The following LHFPL3 variants were observed in gnomAD, a reference collection of about 807,000 sequenced individuals.
LHFPL3 encodes the protein LHFPL tetraspan subfamily member 3 protein.
A neutral mutation model predicts 19.3 loss-of-function variants in LHFPL3; 5 were observed. The ratio of observed to expected loss-of-function variants is 0.26; its 90% CI spans 0.14 to 0.54. The LOEUF (loss-of-function observed/expected upper bound fraction) is 0.54, where lower values mean the gene tolerates loss of function less well. LHFPL3 is among the 20% of genes least tolerant of loss of function. The pLI is 0.94. For synonymous variants in LHFPL3, 133 were observed against 126.2 expected (o/e 1.05, Z -0.36); for missense variants, 249 against 307.4 (o/e 0.81, Z 1.42).
chr7:104,563,950 T>C (rs193279987), intron 1 of LHFPL3, among the ~76,000 whole-genome samples: 1 of 152,348 alleles, frequency 6.6e-6, no homozygotes, highest in African/African-American at 2.4e-5. Flanking sequence ...CATAAACTGA[T>C]CTTTCTGCCA....
chr7:104,600,861 T>G (rs930737849), intron 1 of LHFPL3, among the ~76,000 whole-genome samples: 1 of 152,206 alleles, frequency 6.6e-6, no homozygotes, highest in Non-Finnish European at 1.5e-5. Flanking sequence ...CATATTCGCA[T>G]CAGCTAAGGG....
chr7:104,490,801 CTCTA>C (rs1465971353), intron 1 of LHFPL3, among the ~76,000 whole-genome samples: 2 of 152,178 alleles, frequency 1.3e-5, no homozygotes, highest in Non-Finnish European at 2.9e-5. Context: ...ACTGAGGCTT[CTCTA>C]TCTAATAGCA....
intron 1 of LHFPL3, among the ~76,000 whole-genome samples, chr7:104,458,683 T>C (rs2116615548): frequency 6.6e-6 from 1 of 152,074 alleles, no homozygotes; most frequent in East Asian, 1.9e-4. Context: ...GGGGATGACA[T>C]TGAATCTAAA....
intron 1 of LHFPL3, among the ~76,000 whole-genome samples, chr7:104,708,892 A>AT (rs1396881070): frequency 1.3e-5 from 2 of 152,104 alleles, no homozygotes; most frequent in African/African-American, 2.4e-5. Flanking sequence ...TGAGAGAAAA[A>AT]ATTAGATTTG....
At chr7:104,420,442 A>G (rs1041394244) in intron 1 of LHFPL3, among the ~76,000 whole-genome samples, 3 of 152,234 alleles carry the variant, frequency 2.0e-5, no homozygotes, top group Non-Finnish European at 2.9e-5. Context: ...GCTTTGAGAA[A>G]GAGAGGTGGT....
intron 1 of LHFPL3, among the ~76,000 whole-genome samples, chr7:104,540,040 G>A (rs1794455610): frequency 2.6e-5 from 4 of 152,088 alleles, no homozygotes; most frequent in Non-Finnish European, 4.4e-5. Flanking sequence ...GAGTGAATGG[G>A]GAGAAACTTA....
intron 1 of LHFPL3, among the ~76,000 whole-genome samples, chr7:104,658,857 C>T (rs1584465313): frequency 1.3e-5 from 2 of 152,144 alleles, no homozygotes; most frequent in East Asian, 3.9e-4. Flanking sequence ...GTGGGTATCC[C>T]AGGAATCTGA....
intron 1 of LHFPL3, among the ~76,000 whole-genome samples, chr7:104,411,785 T>G (rs1791539803): frequency 6.6e-6 from 1 of 152,196 alleles, no homozygotes; most frequent in South Asian, 2.1e-4. Flanking sequence ...GCTTTAGAAG[T>G]AATACTGCAA....
intron 1 of LHFPL3, among the ~76,000 whole-genome samples, chr7:104,685,157 G>C (rs947419775): frequency 6.6e-6 from 1 of 152,064 alleles, no homozygotes; most frequent in African/African-American, 2.4e-5. Flanking sequence ...GATCATCCTG[G>C]CCAACATGAT....
intron 1 of LHFPL3, among the ~76,000 whole-genome samples, chr7:104,330,670 C>T (rs187356252): frequency 3.3e-4 from 50 of 152,276 alleles, no homozygotes; most frequent in African/African-American, 1.2e-3. Context: ...AGACTCCCTC[C>T]TTTACACATA....
At chr7:104,420,682 C>T (rs1211087798) in intron 1 of LHFPL3, among the ~76,000 whole-genome samples, 2 of 151,800 alleles carry the variant, frequency 1.3e-5, no homozygotes, top group African/African-American at 2.4e-5. Context: ...GCCTCAGCCT[C>T]CTGCGTAGCT....
At chr7:104,449,556 G>A (rs1052558854) in intron 1 of LHFPL3, among the ~76,000 whole-genome samples, 1 of 152,182 alleles carries the variant, frequency 6.6e-6, no homozygotes, top group Admixed American at 6.5e-5. Flanking sequence ...GTAACTCTGG[G>A]AGGACAGGGC....
intron 1 of LHFPL3, among the ~76,000 whole-genome samples, chr7:104,437,954 A>G (rs557860318): frequency 1.3e-5 from 2 of 152,316 alleles, no homozygotes; most frequent in East Asian, 1.9e-4. Context: ...TAAACCTTTA[A>G]TCATGGTTTG....
intron 2 of LHFPL3, among the ~76,000 whole-genome samples, chr7:104,831,452 C>CT (rs1486029599): frequency 3.3e-5 from 5 of 151,924 alleles, no homozygotes; most frequent in Non-Finnish European, 5.9e-5. Flanking sequence ...CATTTACAGC[C>CT]TGGAACTATA....
chr7:104,608,698 C>T (rs1791154298), intron 1 of LHFPL3, among the ~76,000 whole-genome samples: 1 of 152,094 alleles, frequency 6.6e-6, no homozygotes, highest in African/African-American at 2.4e-5. Flanking sequence ...AGACCAAAGG[C>T]ACCACGCCTG....
intron 2 of LHFPL3, among the ~76,000 whole-genome samples, chr7:104,866,166 AC>A (rs1481271237): frequency 3.3e-5 from 5 of 152,208 alleles, no homozygotes; most frequent in Non-Finnish European, 7.3e-5. Flanking sequence ...AACTGCGTCA[AC>A]TAACGAGCAA....
intron 2 of LHFPL3, among the ~76,000 whole-genome samples, chr7:104,813,203 A>G (rs1469079029): frequency 6.6e-6 from 1 of 152,128 alleles, no homozygotes; most frequent in Non-Finnish European, 1.5e-5. Flanking sequence ...ACTTGAGCCC[A>G]GAAGGTCAAG....
chr7:104,592,342 A>T (rs1790741972), intron 1 of LHFPL3, among the ~76,000 whole-genome samples: 1 of 151,804 alleles, frequency 6.6e-6, no homozygotes, highest in Non-Finnish European at 1.5e-5. Context: ...TCCTTCTAAC[A>T]GTAAGGACCC....
At chr7:104,520,388 G>A (rs1469918424) in intron 1 of LHFPL3, among the ~76,000 whole-genome samples, 3 of 146,826 alleles carry the variant, frequency 2.0e-5, no homozygotes, top group Admixed American at 6.8e-5. Flanking sequence ...TGTTCATCAA[G>A]GATATTGGTC....
Sources: allele counts gnomAD v4.1 joint callset (sites outside exome capture counted in the v4.1 genomes callset), GRCh38; gene constraint gnomAD v4.1.1; transcripts MANE v1.5; gene names NCBI Gene and HGNC (gene_info 2026-07-23, HGNC 2026-07-21).